PKDCC: variants seen among roughly 807,000 people sequenced by gnomAD.
The protein encoded by PKDCC is protein kinase domain containing, cytoplasmic.
A neutral mutation model predicts 44.7 loss-of-function variants in PKDCC; 35 were observed. That is an observed-to-expected ratio of 0.78 (90% confidence interval 0.60 to 1.04). The LOEUF (loss-of-function observed/expected upper bound fraction) is 1.04, where lower values mean the gene tolerates loss of function less well. PKDCC is among the 50% of genes least tolerant of loss of function. The pLI is 0.00. For missense variants in PKDCC, 738 were observed against 672.7 expected (o/e 1.10, Z -1.07); for synonymous variants, 353 against 303.3 (o/e 1.16, Z -1.70).
chr2:42,053,357 TC>T lies in PKDCC; in HGVS notation c.760del (p.Arg254GlufsTer4). ...CTGCAAACTTCCTGGGAGGATCGAT[TC>T]CGAGTGAGCTCAGAGGAGGGCTCGG... The part of the protein sequence containing the change: ...QLLQTSWEDR[F>X]RICLSLGRLL... On this transcript the variant is annotated frameshift_variant, in exon 2 of 7. Transcript: ENST00000294964. LOFTEE classifies it high-confidence loss of function. The T allele has an allele frequency of 6.2e-7, 1 of 1,611,696 alleles. No homozygotes were observed. The highest frequency in any genetic ancestry group is 8.5e-7 in the Non-Finnish European group (1 of 1,178,736).
rs1028270351 is a variant in PKDCC at position 42,058,010 on chromosome 2, G to A, written c.*322G>A. The A allele has an allele frequency of 2.3e-5, 9 of 383,236 alleles. No homozygotes were observed. Among genetic ancestry groups the A allele is most frequent in the Non-Finnish European group, 4.3e-5 (9 of 207,596 alleles). 23.7% of individuals were successfully genotyped at this position (383,236 alleles called of 1,614,324 possible). ...CTGTGCCCCTCCCTGGGACGGTTCCGTGGGCAGCCCCATCACTGTGTTCAA... is the reference window on the plus strand; with the variant it reads ...CTGTGCCCCTCCCTGGGACGGTTCCATGGGCAGCCCCATCACTGTGTTCAA... On this transcript the variant is annotated 3_prime_UTR_variant, in exon 7 of 7. Coordinates refer to ENST00000294964, the MANE Select transcript of PKDCC (RefSeq NM_138370.3). The surrounding 1 kb of genome is among the most constrained non-coding windows in gnomAD (Gnocchi z 4.2).
At position 42,057,386 on chromosome 2, in the gene PKDCC, C is replaced by G; in HGVS notation, c.1388C>G (p.Thr463Ser). Residue 463 changes from threonine (T) to serine (S), a missense_variant, in exon 6 of 7, where the codon ACC (threonine) becomes AGC (serine). By Grantham distance (58) the Thr-to-Ser change is moderately conservative. Transcript: ENST00000294964. ...CRAFVVTNQT[T>S]WTGRQLVFFK... ...GCCTTTGTGGTCACCAACCAGACCACCTGGACAGGTGAGCCAGTGGGAGAA... is the reference window on the plus strand; with the variant it reads ...GCCTTTGTGGTCACCAACCAGACCAGCTGGACAGGTGAGCCAGTGGGAGAA... 6.2e-7 allele frequency: 1 copy of G among 1,614,164 alleles called. No homozygotes were observed. Among genetic ancestry groups the G allele is most frequent in the East Asian group, 2.2e-5 (1 of 44,884 alleles).
intron 1 of PKDCC, among the ~76,000 whole-genome samples, chr2:42,049,694 C>G (rs1164556753): frequency 6.6e-6 from 1 of 152,214 alleles, no homozygotes; most frequent in African/African-American, 2.4e-5. Flanking sequence ...AAACCCCCAC[C>G]TTGTCCCCTC....
Position 42,048,114 on chromosome 2 carries a change from C to A in PKDCC, c.-86C>A. 1 of 792,504 alleles carries A rather than the reference C, an allele frequency of 1.3e-6. No individual in the cohort carries two copies. The highest frequency in any genetic ancestry group is 1.5e-6 in the Non-Finnish European group (1 of 668,698). 49.1% of individuals were successfully genotyped at this position (792,504 alleles called of 1,614,324 possible). A position where few individuals can be genotyped will look rare whatever the true frequency, so the allele number is the denominator to read the frequency against. ...GGCTGGGCAGGGGGCCGGCGGGGCG[C>A]AGAGCGGAGCCGCCTCGGAGCCTGA... On this transcript the variant is annotated 5_prime_UTR_variant, in exon 1 of 7. Transcript: ENST00000294964. The surrounding 1 kb of genome is among the most constrained non-coding windows in gnomAD (Gnocchi z 6.2).
chr2:42,050,461 ATC>A (rs1253803110), intron 1 of PKDCC, among the ~76,000 whole-genome samples: 1 of 152,072 alleles, frequency 6.6e-6, no homozygotes. Flanking sequence ...GTGCTTTCCT[ATC>A]TTTTAAGAAA....
At position 42,055,196 on chromosome 2, in the gene PKDCC, C is replaced by T. The variant is rs1668032586; in HGVS notation, c.1115-90C>T. On this transcript the variant is annotated intron_variant, in intron 4 of 6. Transcript: ENST00000294964. The surrounding 1 kb of genome is among the most constrained non-coding windows in gnomAD (Gnocchi z 4.5). ...CCCTCTGTTCACTGGGGCACAGGCT[C>T]TGGAGGCAGAGGTGGGAGCAGCTGG... 2 of 1,361,944 alleles carry T rather than the reference C, an allele frequency of 1.5e-6. No individual in the cohort carries two copies. Among genetic ancestry groups the T allele is most frequent in the African/African-American group, 1.4e-5 (1 of 70,132 alleles). 84.4% of individuals were successfully genotyped at this position (1,361,944 alleles called of 1,614,324 possible).
chr2:42,055,076 G>A lies in PKDCC; in HGVS notation c.1114+56G>A. 5 of 1,501,340 alleles carry A rather than the reference G, an allele frequency of 3.3e-6. No individual in the cohort carries two copies. Among genetic ancestry groups the A allele is most frequent in the Admixed American group, 1.7e-5 (1 of 58,470 alleles). The allele number at this position is 1,501,340 out of a possible 1,614,324, so 93.0% of individuals were successfully genotyped here. ...GCACCTACCCCACCCCCACCCGCCA[G>A]CAAAAGTGGGGAGAAAAATAACCCA... On this transcript the variant is annotated intron_variant, in intron 4 of 6. Coordinates refer to ENST00000294964, the MANE Select transcript of PKDCC (RefSeq NM_138370.3). The surrounding 1 kb of genome is among the most constrained non-coding windows in gnomAD (Gnocchi z 4.5).
Position 42,057,835 on chromosome 2 carries a change from A to G in PKDCC, c.*147A>G. On this transcript the variant is annotated 3_prime_UTR_variant, in exon 7 of 7. Transcript: ENST00000294964. ...TCCCAGACAGACAGATGTGACCAGG[A>G]CAAACGTGCAATAATGCCAAATGTT... 1 of 656,322 alleles carries G rather than the reference A, an allele frequency of 1.5e-6. No individual in the cohort carries two copies. Among genetic ancestry groups the G allele is most frequent in the South Asian group, 2.0e-5 (1 of 51,240 alleles). 40.7% of individuals were successfully genotyped at this position (656,322 alleles called of 1,614,324 possible).
intron 2 of PKDCC, chr2:42,053,633 TCACA>T (rs1668005583): frequency 1.9e-6 from 1 of 531,632 alleles, no homozygotes; most frequent in Middle Eastern, 4.9e-4. Context: ...AGGGGAGCAC[TCACA>T]CACTCACACT....
chr2:42,048,263 C>A lies in PKDCC; in HGVS notation c.64C>A (p.Leu22Ile). Residue 22 changes from leucine (L) to isoleucine (I), a missense_variant, in exon 1 of 7, where the codon CTC becomes ATC. Coordinates refer to ENST00000294964, the MANE Select transcript of PKDCC (RefSeq NM_138370.3). This position sits in a 1 kb window ranked among gnomAD's most constrained non-coding sequence, Gnocchi z 6.2. ...CGCCTCCTTCCTGCTGGGCTCCGTC[C>A]TCAACGTGCTCTTCGCTCCGGGCTC... ...FCASFLLGSV[L>I]NVLFAPGSEP... is the part of the protein sequence containing the mutation. 7.8e-7 allele frequency: 1 copy of A among 1,280,482 alleles called. No individual in the cohort carries two copies. The highest frequency in any genetic ancestry group is 9.9e-7 in the Non-Finnish European group (1 of 1,005,030). The allele number at this position is 1,280,482 out of a possible 1,614,324, so 79.3% of individuals were successfully genotyped here.
rs773690824 is a variant in PKDCC, at chr2:42,054,165, G to A, written c.892G>A (p.Asp298Asn). 3 of 1,612,790 alleles carry A rather than the reference G, an allele frequency of 1.9e-6. No homozygotes were observed. In the South Asian group the frequency reaches 3.3e-5, roughly 18 times the overall value. ...DGELKVTDLD[D>N]ARVEETPCAG... ...GGAGCTCAAAGTGACGGACCTGGATGACGCACGTGTGGAGGAGACGCCGTG... is the reference window on the plus strand; with the variant it reads ...GGAGCTCAAAGTGACGGACCTGGATAACGCACGTGTGGAGGAGACGCCGTG... The change falls in exon 3 of 7, where the codon GAC (aspartate) becomes AAC (asparagine). Residue 298 changes from aspartate to asparagine, a missense_variant. Transcript: ENST00000294964. The surrounding 1 kb of genome is among the most constrained non-coding windows in gnomAD (Gnocchi z 6.1).
At chr2:42,050,179 G>A (rs1337836563) in intron 1 of PKDCC, among the ~76,000 whole-genome samples, 1 of 152,208 alleles carries the variant, frequency 6.6e-6, no homozygotes, top group African/African-American at 2.4e-5. Flanking sequence ...CAGGAGCTCG[G>A]GCAGAACCAA....
chr2:42,048,684 C>T lies in PKDCC; in HGVS notation c.485C>T (p.Ala162Val), dbSNP rs961640257. Residue 162 changes from alanine (A) to valine (V), a missense_variant, in exon 1 of 7, where the codon GCG (alanine) becomes GTG (valine). Physicochemically the swap from Ala to Val is moderately conservative, Grantham distance 64 (BLOSUM62 0). Transcript: ENST00000294964. The surrounding 1 kb of genome is among the most constrained non-coding windows in gnomAD (Gnocchi z 6.2). The stretch of plus-strand genomic sequence containing the variant: ...CGGGTCCGCCTGCCCGGCGGTGCCG[C>T]GGTGGCGCTCAAGGCGGTGGACTTT... ...VYRVRLPGGA[A>V]VALKAVDFSG... 2 of 1,548,950 alleles carry T rather than the reference C, an allele frequency of 1.3e-6. No homozygotes were observed.
chr2:42,055,112 G>A lies in PKDCC; in HGVS notation c.1114+92G>A, dbSNP rs1668031544. On this transcript the variant is annotated intron_variant, in intron 4 of 6. Transcript: ENST00000294964. The surrounding 1 kb of genome is among the most constrained non-coding windows in gnomAD (Gnocchi z 4.5). ...GAGAAAAATAACCCAGGGCAGCAGG[G>A]GTTCTAGAAACCATCACTTCCTAAG... The A allele has an allele frequency of 7.0e-7, 1 of 1,436,352 alleles. No homozygotes were observed. The highest frequency in any genetic ancestry group is 1.2e-5 in the South Asian group (1 of 86,176). 89.0% of individuals were successfully genotyped at this position (1,436,352 alleles called of 1,614,324 possible). A position where few individuals can be genotyped will look rare whatever the true frequency, so the allele number is the denominator to read the frequency against.
rs1359349147 is a variant in PKDCC, at chr2:42,048,497, C to A, written c.298C>A (p.Pro100Thr). The part of the protein sequence containing the change: ...LAPGGPGLPR[P>T]RPPWARPLSD... ...TCCGGGCGGGCCCGGCCTGCCGCGC[C>A]CCCGGCCCCCTTGGGCCCGGCCCCT... Residue 100 changes from proline to threonine, a missense_variant, in exon 1 of 7, where the codon CCC becomes ACC. Pro to Thr is a conservative substitution (Grantham distance 38, BLOSUM62 -1). Coordinates refer to ENST00000294964, the MANE Select transcript of PKDCC (RefSeq NM_138370.3). The surrounding 1 kb of genome is among the most constrained non-coding windows in gnomAD (Gnocchi z 6.2). 13 of 1,066,440 alleles carry A rather than the reference C, an allele frequency of 1.2e-5. No individual in the cohort carries two copies. In the East Asian group the frequency reaches 8.6e-4, roughly 71 times the overall value. The allele number at this position is 1,066,440 out of a possible 1,614,324, so 66.1% of individuals were successfully genotyped here.
In PKDCC at chr2:42,051,344, C is replaced by A. The variant is rs1218789518; in HGVS notation, c.640-1895C>A. On this transcript the variant is annotated intron_variant, in intron 1 of 6. Coordinates refer to ENST00000294964, the MANE Select transcript of PKDCC (RefSeq NM_138370.3). The surrounding 1 kb of genome is among the most constrained non-coding windows in gnomAD (Gnocchi z 4.2). ...CCCCTCAACCTCTCCCCACCTCCCC[C>A]TCCCCCAGTCATCCTGGGGCCCCCA... is the stretch of plus-strand genomic sequence containing the variant. 4.0e-5 allele frequency among the ~76,000 whole-genome samples: 6 copies of A among 151,080 alleles called. No homozygotes were observed. The highest frequency in any genetic ancestry group is 1.5e-4 in the African/African-American group (6 of 40,956).
chr2:42,054,330 G>T lies in PKDCC; in HGVS notation c.1034+23G>T, dbSNP rs1668018904. The T allele has an allele frequency of 1.3e-6, 2 of 1,577,804 alleles. No homozygotes were observed. Among genetic ancestry groups the T allele is most frequent in the Non-Finnish European group, 1.7e-6 (2 of 1,159,326 alleles). ...CAGGTGACCTCCACCCCTGACTCGG[G>T]AACTCCATCGAAGGAGAATGGGCCA... On this transcript the variant is annotated intron_variant, in intron 3 of 6. Transcript: ENST00000294964. This position sits in a 1 kb window ranked among gnomAD's most constrained non-coding sequence, Gnocchi z 6.1.
rs1022176660 is a variant in PKDCC at position 42,054,532 on chromosome 2, G to C, written c.1034+225G>C. 51 of 602,074 alleles carry C rather than the reference G, an allele frequency of 8.5e-5. No homozygotes were observed. The highest frequency in any genetic ancestry group is 1.3e-4 in the Non-Finnish European group (46 of 349,270). The allele number at this position is 602,074 out of a possible 1,614,324, so 37.3% of individuals were successfully genotyped here. On this transcript the variant is annotated intron_variant, in intron 3 of 6. Coordinates refer to ENST00000294964, the MANE Select transcript of PKDCC (RefSeq NM_138370.3). This position sits in a 1 kb window ranked among gnomAD's most constrained non-coding sequence, Gnocchi z 6.1. Reference sequence around the variant, plus strand: ...CCGGGTTAGGGGGTGGCAGCTGGAGGCTTCTTAAAATAGTGTTGGACTCGG... The same window carrying C: ...CCGGGTTAGGGGGTGGCAGCTGGAGCCTTCTTAAAATAGTGTTGGACTCGG...
rs748564232 is a variant in PKDCC at position 42,048,817 on chromosome 2, G to A, written c.618G>A (p.Leu206=). The A allele has an allele frequency of 6.8e-7, 1 of 1,473,304 alleles. No homozygotes were observed. The highest frequency in any genetic ancestry group is 9.1e-7 in the Non-Finnish European group (1 of 1,103,410). 91.3% of individuals were successfully genotyped at this position (1,473,304 alleles called of 1,614,324 possible). A position where few individuals can be genotyped will look rare whatever the true frequency, so the allele number is the denominator to read the frequency against. The change falls in exon 1 of 7, where the codon CTG becomes CTA. Residue 206 remains leucine (L), a synonymous_variant. Transcript: ENST00000294964. This position sits in a 1 kb window ranked among gnomAD's most constrained non-coding sequence, Gnocchi z 6.2. ...LLKEMVLLER[L]RHPNVLQLYG... ...AGGAGATGGTGCTGCTGGAGCGGCT[G>A]CGGCACCCCAACGTGCTGCAGGTAC...
Sources: allele counts gnomAD v4.1 joint callset (sites outside exome capture counted in the v4.1 genomes callset), GRCh38; gene constraint gnomAD v4.1.1; non-coding constraint Gnocchi (gnomAD v3.1); transcripts MANE v1.5; gene names NCBI Gene and HGNC (gene_info 2026-07-23, HGNC 2026-07-21).